Variants in TTPA observed in about 807,000 individuals in gnomAD.
TTPA encodes alpha-tocopherol transfer protein.
Under a neutral mutation model 25.9 loss-of-function variants are expected in TTPA, and 23 were observed. The ratio of observed to expected loss-of-function variants is 0.89; its 90% CI spans 0.64 to 1.26. The LOEUF is 1.26. TTPA is among the 50% of genes most tolerant of loss of function. The pLI is 0.00. For missense variants in TTPA, 337 were observed against 353.1 expected (o/e 0.95, Z 0.37); for synonymous variants, 148 against 137.3 (o/e 1.08, Z -0.54).
At chr8:63,071,901 G>A (rs953366162) in intron 2 of TTPA, among the ~76,000 whole-genome samples, 9 of 152,054 alleles carry the variant, frequency 5.9e-5, no homozygotes, top group Non-Finnish European at 1.2e-4. Flanking sequence ...CCCAGTCTAC[G>A]TCATTTTGTT....
chr8:63,059,020 G>GTTTTTTTTTTTTGTTTTTTTTTTTTT (rs1805248010), downstream of TTPA, among the ~76,000 whole-genome samples: 2 of 67,144 alleles, frequency 3.0e-5, no homozygotes, highest in African/African-American at 1.2e-4. Context: ...GCAGGGTCCA[G>GTTTTTTTTTTTTGTTTTTTTTTTTTT]TTTTTTTTTT....
intron 2 of TTPA, among the ~76,000 whole-genome samples, chr8:63,069,819 T>C (rs1805456563): frequency 1.3e-5 from 2 of 152,306 alleles, no homozygotes; most frequent in South Asian, 4.1e-4. Context: ...GTGTCTATTG[T>C]AGAACAGTTT....
At chr8:63,059,118 G>A (rs1381555185), downstream of TTPA, among the ~76,000 whole-genome samples, 2 of 121,670 alleles carry the variant, frequency 1.6e-5, no homozygotes, top group Admixed American at 1.0e-4. Flanking sequence ...TGCAAGCTCC[G>A]CCTCCCGGGT....
rs1805583598 is a variant in TTPA, at chr8:63,077,554, C to T, written c.205-4466G>A. On this transcript the variant is annotated intron_variant, in intron 1 of 4. Transcript: ENST00000260116. ...TCCAACACCCATGGAGCCTTGCTCACTGCTAGCGTGGCAGTCTGAGATCTA... is the reference window on the plus strand; with the variant it reads ...TCCAACACCCATGGAGCCTTGCTCATTGCTAGCGTGGCAGTCTGAGATCTA... Among the ~76,000 whole-genome samples, 3 of 152,258 alleles carry T rather than the reference C, an allele frequency of 2.0e-5. No individual in the cohort carries two copies. The South Asian group carries it at 6.2e-4, about 31-fold the overall frequency.
At position 63,059,737 on chromosome 8, in the gene TTPA, A is replaced by T. The variant is rs150991402; in HGVS notation, c.*1515T>A. ...CTTTCTTAATAAATGAAATATTATA[A>T]ACTGCAGTAGAAACAGTACATCTTT... On this transcript the variant is annotated 3_prime_UTR_variant, in exon 5 of 5. Coordinates refer to ENST00000260116, the MANE Select transcript of TTPA (RefSeq NM_000370.3). 303 of 152,258 alleles carry T rather than the reference A, an allele frequency of 2.0e-3. 2 individuals carry two copies. The highest frequency in any genetic ancestry group is 7.2e-3 in the African/African-American group (298 of 41,574). 9.4% of individuals were successfully genotyped at this position (152,258 alleles called of 1,614,324 possible).
In TTPA at chr8:63,085,974, C is replaced by T. The variant is rs562202164; in HGVS notation, c.48G>A (p.Ala16=). The part of the protein sequence containing the change: ...SQPSAGPQLN[A]LPDHSPLLQP... ...GCAGCAACGGAGAGTGGTCCGGTAG[C>T]GCGTTGAGCTGCGGCCCCGCCGAGG... is the stretch of plus-strand genomic sequence containing the variant. Residue 16 remains alanine, a synonymous_variant, in exon 1 of 5, where the codon GCG becomes GCA. Coordinates refer to ENST00000260116, the MANE Select transcript of TTPA (RefSeq NM_000370.3). 587 of 1,504,876 alleles carry T rather than the reference C, an allele frequency of 3.9e-4. 4 individuals carry two copies. In the African/African-American group the frequency reaches 7.5e-3, roughly 19 times the overall value. 93.2% of individuals were successfully genotyped at this position (1,504,876 alleles called of 1,614,324 possible). A position where few individuals can be genotyped will look rare whatever the true frequency, so the allele number is the denominator to read the frequency against.
intron 2 of TTPA, among the ~76,000 whole-genome samples, chr8:63,067,937 G>A (rs930099358): frequency 2.6e-5 from 4 of 152,132 alleles, no homozygotes; most frequent in African/African-American, 9.7e-5. Flanking sequence ...TGCTGCAAAG[G>A]ACATAATGTC....
Position 63,061,485 on chromosome 8 carries a change from C to T in TTPA, c.664-60G>A. 4.0e-6 allele frequency: 6 copies of T among 1,504,552 alleles called. No individual in the cohort carries two copies. The South Asian group carries it at 6.8e-5, about 17-fold the overall frequency. The allele number at this position is 1,504,552 out of a possible 1,614,324, so 93.2% of individuals were successfully genotyped here. On this transcript the variant is annotated intron_variant, in intron 4 of 4. Coordinates refer to ENST00000260116, the MANE Select transcript of TTPA (RefSeq NM_000370.3). ...ATTAGATGCATTTCCAGTGGAAAAT[C>T]AACCTCATAAAACAAGGTATTCTAA...
At chr8:63,083,474 T>A (rs1805696123) in intron 1 of TTPA, among the ~76,000 whole-genome samples, 1 of 152,070 alleles carries the variant, frequency 6.6e-6, no homozygotes, top group African/African-American at 2.4e-5. Flanking sequence ...CATCGCACAC[T>A]GGGGCCTGTT....
intron 2 of TTPA, among the ~76,000 whole-genome samples, chr8:63,070,554 C>T (rs183790132): frequency 1.3e-5 from 2 of 152,246 alleles, no homozygotes; most frequent in Admixed American, 1.3e-4. Context: ...TGCAACATAC[C>T]TTCCTGTTCT....
chr8:63,075,698 C>CAAAAAAAAA (rs751066913), intron 1 of TTPA, among the ~76,000 whole-genome samples: 6 of 56,994 alleles, frequency 1.1e-4, no homozygotes, highest in Admixed American at 3.9e-4. Context: ...GACTCCGTCT[C>CAAAAAAAAA]AAAAAAAAAA....
At chr8:63,070,496 T>C (rs1049688830) in intron 2 of TTPA, among the ~76,000 whole-genome samples, 3 of 152,218 alleles carry the variant, frequency 2.0e-5, no homozygotes, top group African/African-American at 7.2e-5. Flanking sequence ...CATAAAACTT[T>C]CTGAGTTTCT....
chr8:63,065,901 T>A lies in TTPA; in HGVS notation c.552+3A>T. 2 of 1,613,924 alleles carry A rather than the reference T, an allele frequency of 1.2e-6. No individual in the cohort carries two copies. Among genetic ancestry groups the A allele is most frequent in the Non-Finnish European group, 1.7e-6 (2 of 1,179,848 alleles). ...ATGCCTGACAGTTAAAATATACATT[T>A]ACCGTAAGTACAGCAGCAATCTTCT... On this transcript the variant is annotated splice_donor_region_variant and intron_variant, in intron 3 of 4. Transcript: ENST00000260116.
intron 1 of TTPA, among the ~76,000 whole-genome samples, chr8:63,074,887 T>C (rs567341203): frequency 1.3e-5 from 2 of 152,268 alleles, no homozygotes; most frequent in South Asian, 4.1e-4. Context: ...TGCAGAGTGC[T>C]GCACACCCAG....
At chr8:63,074,607 T>G (rs1232086037) in intron 1 of TTPA, among the ~76,000 whole-genome samples, 3 of 152,206 alleles carry the variant, frequency 2.0e-5, no homozygotes, top group Non-Finnish European at 4.4e-5. Context: ...TTCATTCTAC[T>G]CTACACGGTG....
At chr8:63,058,911 T>G (rs940999552), downstream of TTPA, among the ~76,000 whole-genome samples, 5 of 152,108 alleles carry the variant, frequency 3.3e-5, no homozygotes, top group Non-Finnish European at 5.9e-5. Context: ...CACTGTTTAT[T>G]CTTTTTAAGT....
intron 1 of TTPA, among the ~76,000 whole-genome samples, chr8:63,076,800 A>G (rs1032908918): frequency 2.6e-5 from 4 of 152,212 alleles, no homozygotes; most frequent in African/African-American, 9.6e-5. Context: ...TTTCATATTC[A>G]GTAGTTACTA....
chr8:63,059,997 T>A lies in TTPA; in HGVS notation c.*1255A>T, dbSNP rs1229863490. 1 of 152,078 alleles carries A rather than the reference T, an allele frequency of 6.6e-6. No homozygotes were observed. The highest frequency in any genetic ancestry group is 1.5e-5 in the Non-Finnish European group (1 of 67,998). The allele number at this position is 152,078 out of a possible 1,614,324, so 9.4% of individuals were successfully genotyped here. ...AGGTGTGAGCTGCCACACCCAGTCT[T>A]TACCAGATGTTTTTTTAAGTTAATA... On this transcript the variant is annotated 3_prime_UTR_variant, in exon 5 of 5. Coordinates refer to ENST00000260116, the MANE Select transcript of TTPA (RefSeq NM_000370.3).
At chr8:63,083,953 C>T (rs774792611) in intron 1 of TTPA, among the ~76,000 whole-genome samples, 1 of 151,032 alleles carries the variant, frequency 6.6e-6, no homozygotes, top group African/African-American at 2.4e-5. Context: ...AGCACAATCT[C>T]GGCTCTCTGC....
Sources: gnomAD v4.1 joint callset for allele counts (sites outside exome capture counted in the v4.1 genomes callset) on GRCh38, gnomAD v4.1.1 for gene constraint, MANE v1.5 for transcripts, NCBI Gene and HGNC (gene_info 2026-07-23, HGNC 2026-07-21) for gene names.